The following TMEM143 variants were observed in gnomAD, a reference collection of about 807,000 sequenced individuals.
TMEM143 encodes the protein transmembrane protein 143.
TMEM143 carries 45 observed loss-of-function variants against 40.3 expected under a neutral mutation model. That is an observed-to-expected ratio of 1.12 (90% confidence interval 0.88 to 1.43). The LOEUF is 1.43. TMEM143 is among the 40% of genes most tolerant of loss of function. TMEM143 has a pLI of 0.00. For missense variants in TMEM143, 620 were observed against 613.4 expected, an observed-to-expected ratio of 1.01 and a Z score of -0.11; for synonymous variants, 299 against 282.7, an observed-to-expected ratio of 1.06 and a Z score of -0.58.
chr19:48,353,936 C>T (rs1969827658), intron 3 of TMEM143, among the ~76,000 whole-genome samples: 1 of 151,842 alleles, frequency 6.6e-6, no homozygotes, highest in Non-Finnish European at 1.5e-5. Flanking sequence ...AGGGCCTCCA[C>T]AAGGAAACAT....
At chr19:48,358,955 G>A (rs1969971522) in intron 3 of TMEM143, among the ~76,000 whole-genome samples, 1 of 152,148 alleles carries the variant, frequency 6.6e-6, no homozygotes, top group Non-Finnish European at 1.5e-5. Context: ...GATCACTTGA[G>A]GTCAGGAATT....
At chr19:48,360,333 C>T (rs1241236322) in intron 2 of TMEM143, 157 bp from the exon 3 acceptor site, 2 of 671,820 alleles carry the variant, frequency 3.0e-6, no homozygotes, top group South Asian at 1.7e-5. Flanking sequence ...AATCCCAGCA[C>T]TTTGGGAGGC....
intron 6 of TMEM143, among the ~76,000 whole-genome samples, chr19:48,335,883 G>A (rs1021690090): frequency 6.6e-6 from 1 of 151,996 alleles, no homozygotes; most frequent in East Asian, 1.9e-4. Flanking sequence ...AACAGAGTGA[G>A]ACCCTGTCTC....
At chr19:48,345,052 C>A in intron 4 of TMEM143, 108 bp downstream of exon 4, 1 of 1,224,048 alleles carries the variant, frequency 8.2e-7, no homozygotes, top group Non-Finnish European at 1.1e-6. Context: ...CCATATGGGC[C>A]ACAGTCCCAG....
chr19:48,351,940 C>T (rs149102500), intron 3 of TMEM143, among the ~76,000 whole-genome samples: 7 of 152,084 alleles, frequency 4.6e-5, no homozygotes, highest in African/African-American at 1.7e-4. Flanking sequence ...GATGCTCAAG[C>T]CCCTGATATA....
chr19:48,343,233 C>T, intron 5 of TMEM143, 88 bp downstream of exon 5: 1 of 1,481,086 alleles, frequency 6.8e-7, no homozygotes, highest in Non-Finnish European at 9.0e-7. Context: ...GGGGCCCAGA[C>T]ACCCAAACCA....
In TMEM143 at chr19:48,345,314, T is replaced by G; in HGVS notation, c.410A>C (p.Asp137Ala). Residue 137 changes from aspartate to alanine, a missense_variant, in exon 4 of 8, where the codon GAT becomes GCT. Asp to Ala is a moderately radical substitution (Grantham distance 126). Coordinates refer to ENST00000293261, the MANE Select transcript of TMEM143 (RefSeq NM_018273.4). ...CTGGGGATCCGTTAGTGATGGCTGATCGAGGGTCTCCCTGTCAGGGTTGAT... is the reference window on the plus strand; with the variant it reads ...CTGGGGATCCGTTAGTGATGGCTGAGCGAGGGTCTCCCTGTCAGGGTTGAT... ...DPINPDRETL[D>A]QPSLTDPQRL... 6.3e-7 allele frequency: 1 copy of G among 1,594,194 alleles called. No homozygotes were observed. The highest frequency in any genetic ancestry group is 8.5e-7 in the Non-Finnish European group (1 of 1,170,788).
At chr19:48,359,552 G>A (rs1197996058) in intron 3 of TMEM143, among the ~76,000 whole-genome samples, 2 of 139,560 alleles carry the variant, frequency 1.4e-5, no homozygotes, top group Non-Finnish European at 3.0e-5. Flanking sequence ...AGTCGCCCAG[G>A]CTGGAGTGCA....
intron 3 of TMEM143, 29 bp from the exon 4 acceptor site, chr19:48,345,383 G>T (rs1035934676): frequency 2.7e-6 from 4 of 1,497,218 alleles, no homozygotes; most frequent in Non-Finnish European, 3.6e-6. Context: ...AGAAAAAGAT[G>T]GGATAGGTCT....
intron 3 of TMEM143, among the ~76,000 whole-genome samples, chr19:48,349,657 C>CA (rs999142819): frequency 3.0e-4 from 43 of 141,912 alleles, no homozygotes; most frequent in East Asian, 2.2e-3. Flanking sequence ...GTCTCTGGCT[C>CA]AAAAAAAAAA....
At chr19:48,358,310 G>A (rs2147386370) in intron 3 of TMEM143, among the ~76,000 whole-genome samples, 1 of 151,720 alleles carries the variant, frequency 6.6e-6, no homozygotes, top group African/African-American at 2.4e-5. Flanking sequence ...CTTCAACCCG[G>A]AAGACAGAGG....
chr19:48,342,976 G>T (rs1164852915), intron 5 of TMEM143, 167 bp from the exon 6 acceptor site: 19 of 869,054 alleles, frequency 2.2e-5, no homozygotes, highest in Non-Finnish European at 3.1e-5. Context: ...AACCACAGGG[G>T]ATCGGTTCAA....
Position 48,362,433 on chromosome 19 carries a change from A to G in TMEM143, c.264+858T>C, listed in dbSNP as rs570567983. ...CCAGCCTCTCGGGGGCTGAGGAAGGAGGATCACTTGAGTCTAGGAGGCAGA... is the reference window on the plus strand; with the variant it reads ...CCAGCCTCTCGGGGGCTGAGGAAGGGGGATCACTTGAGTCTAGGAGGCAGA... On this transcript the variant is annotated intron_variant, in intron 2 of 7. Transcript: ENST00000293261. Among the ~76,000 whole-genome samples, 7 of 152,284 alleles carry G rather than the reference A, an allele frequency of 4.6e-5. No homozygotes were observed. The East Asian group carries it at 1.3e-3, about 29-fold the overall frequency.
Position 48,333,389 on chromosome 19 carries a change from C to T in TMEM143, c.1210G>A (p.Ala404Thr). 6.2e-7 allele frequency: 1 copy of T among 1,607,542 alleles called. No individual in the cohort carries two copies. The highest frequency in any genetic ancestry group is 8.5e-7 in the Non-Finnish European group (1 of 1,175,656). ...LRSEVENWLLAKSGCEVTFNG... is the reference protein window; with the variant it reads ...LRSEVENWLLTKSGCEVTFNG... ...AAGGTCACCTCACAGCCTGACTTGGCTAGGAGCCAGTTCTCCACCTCCGAC... is the reference window on the plus strand; with the variant it reads ...AAGGTCACCTCACAGCCTGACTTGGTTAGGAGCCAGTTCTCCACCTCCGAC... Residue 404 changes from alanine to threonine, a missense_variant, in exon 8 of 8, where the codon GCC (alanine) becomes ACC (threonine). Transcript: ENST00000293261. The surrounding 1 kb of genome is among the most constrained non-coding windows in gnomAD (Gnocchi z 4.1).
chr19:48,333,771 G>C lies in TMEM143; in HGVS notation c.1165+237C>G, dbSNP rs897829004. On this transcript the variant is annotated intron_variant, in intron 7 of 7. Transcript: ENST00000293261. This position sits in a 1 kb window ranked among gnomAD's most constrained non-coding sequence, Gnocchi z 4.1. ...AGCTCAGGTAGAGGAAAGAATGACA[G>C]GAGGGGGCCGTGCCATGGAGCCAAG... Among the ~76,000 whole-genome samples the C allele has an allele frequency of 1.3e-5, 2 of 152,150 alleles. No individual in the cohort carries two copies. Among genetic ancestry groups the C allele is most frequent in the Non-Finnish European group, 2.9e-5 (2 of 68,008 alleles).
chr19:48,346,344 G>A (rs896787825), intron 3 of TMEM143, among the ~76,000 whole-genome samples: 20 of 151,518 alleles, frequency 1.3e-4, no homozygotes, highest in African/African-American at 4.1e-4. Context: ...CAACCACCTC[G>A]GCCTCCCAAA....
At chr19:48,348,100 C>G (rs1464036550) in intron 3 of TMEM143, among the ~76,000 whole-genome samples, 1 of 151,824 alleles carries the variant, frequency 6.6e-6, no homozygotes, top group East Asian at 1.9e-4. Flanking sequence ...TAGGGCTGTG[C>G]CCACATCCTC....
intron 6 of TMEM143, among the ~76,000 whole-genome samples, chr19:48,339,164 G>T (rs1048833987): frequency 6.6e-6 from 1 of 152,132 alleles, no homozygotes; most frequent in South Asian, 2.1e-4. Context: ...CTGGGAAGAG[G>T]GCCTGAGCAG....
chr19:48,354,143 G>A (rs1483589292), intron 3 of TMEM143, among the ~76,000 whole-genome samples: 4 of 147,380 alleles, frequency 2.7e-5, no homozygotes, highest in South Asian at 4.3e-4. Context: ...ATTTTTAGTA[G>A]AGTCGGGGTT....
Sources: allele counts gnomAD v4.1 joint callset (sites outside exome capture counted in the v4.1 genomes callset), GRCh38; gene constraint gnomAD v4.1.1; non-coding constraint Gnocchi (gnomAD v3.1); transcripts MANE v1.5; gene names NCBI Gene and HGNC (gene_info 2026-07-23, HGNC 2026-07-21).